LRP1B: variants seen among roughly 807,000 people sequenced by gnomAD.
LRP1B encodes the protein LDL receptor related protein 1B.
A neutral mutation model predicts 556.6 loss-of-function variants in LRP1B; 217 were observed. The observed-to-expected ratio is 0.39, with a 90% CI of 0.35 to 0.44. LRP1B has a LOEUF of 0.44. Among genes scored for constraint, LRP1B ranks in the 20% least tolerant of loss-of-function variants. The pLI, the probability that LRP1B is intolerant of heterozygous loss-of-function variation, is 1.00. For missense variants in LRP1B, 5,053 were observed against 5,620.8 expected (o/e 0.90, Z 3.23); for synonymous variants, 2,047 against 1,865.8 (o/e 1.10, Z -2.50).
At chr2:142,038,046 G>A (rs966935320) in intron 1 of LRP1B, among the ~76,000 whole-genome samples, 3 of 151,360 alleles carry the variant, frequency 2.0e-5, no homozygotes, top group African/African-American at 7.3e-5. Context: ...ACTAGATCCA[G>A]TTCTATTCTC....
intron 27 of LRP1B, 113 bp downstream of exon 27, chr2:140,867,477 C>A (rs540347679): frequency 3.4e-6 from 4 of 1,176,672 alleles, no homozygotes; most frequent in Admixed American, 5.3e-5. Flanking sequence ...ATAGAGTATG[C>A]GTAAAATGTC....
chr2:140,356,399 C>A lies in LRP1B; in HGVS notation c.11473G>T (p.Val3825Phe), dbSNP rs950128721. ...AATCCAGGCTTACAGCGACAGAAAA[C>A]AGATGTTTTTATTTGATTACAATAT... is the stretch of plus-strand genomic sequence containing the variant. Reference protein sequence around the residue: ...DAYCNQIKTSVFCRCKPGFQR... With the variant: ...DAYCNQIKTSFFCRCKPGFQR... The change falls in exon 75 of 91, where the codon GTT (valine) becomes TTT (phenylalanine). Residue 3825 changes from valine (V) to phenylalanine (F), a missense_variant. Physicochemically the swap from Val to Phe is conservative, Grantham distance 50. This residue lies in a region of LRP1B where 599 missense variants were observed against 648.4 expected (regional missense o/e 0.92). Coordinates refer to ENST00000389484, the MANE Select transcript of LRP1B (RefSeq NM_018557.3). 6.2e-7 allele frequency: 1 copy of A among 1,610,816 alleles called. No individual in the cohort carries two copies. Among genetic ancestry groups the A allele is most frequent in the Non-Finnish European group, 8.5e-7 (1 of 1,177,688 alleles).
intron 7 of LRP1B, among the ~76,000 whole-genome samples, chr2:141,130,285 A>C (rs984128455): frequency 7.2e-5 from 11 of 152,224 alleles, no homozygotes; most frequent in Admixed American, 7.2e-4. Context: ...AAAATAAAAT[A>C]GAAAAACAGG....
At chr2:141,897,086 C>A (rs754869111) in intron 1 of LRP1B, among the ~76,000 whole-genome samples, 1 of 152,144 alleles carries the variant, frequency 6.6e-6, no homozygotes, top group South Asian at 2.1e-4. Context: ...GTTCTGGAAT[C>A]AAATAATTAT....
At chr2:140,855,799 G>A (rs1328182064) in intron 27 of LRP1B, among the ~76,000 whole-genome samples, 3 of 152,078 alleles carry the variant, frequency 2.0e-5, no homozygotes, top group Non-Finnish European at 4.4e-5. Flanking sequence ...CTGCACTCCA[G>A]CCTGGCCCAC....
At chr2:141,315,868 A>G (rs1209550901) in intron 3 of LRP1B, among the ~76,000 whole-genome samples, 3 of 82,720 alleles carry the variant, frequency 3.6e-5, no homozygotes, top group African/African-American at 1.6e-4. Flanking sequence ...AAAATCCTCT[A>G]TCTTTAGTCT....
At chr2:142,060,185 T>G (rs754708173) in intron 1 of LRP1B, among the ~76,000 whole-genome samples, 2 of 152,080 alleles carry the variant, frequency 1.3e-5, no homozygotes, top group African/African-American at 2.4e-5. Flanking sequence ...ATGATGGTTT[T>G]GGATGCATAT....
At chr2:142,023,678 C>T (rs947324255) in intron 1 of LRP1B, among the ~76,000 whole-genome samples, 7 of 152,146 alleles carry the variant, frequency 4.6e-5, no homozygotes, top group Admixed American at 3.9e-4. Flanking sequence ...CACAAAATGC[C>T]TTGAGCCAAT....
At chr2:140,316,926 A>G (rs1398081936) in intron 82 of LRP1B, among the ~76,000 whole-genome samples, 1 of 152,068 alleles carries the variant, frequency 6.6e-6, no homozygotes, top group Non-Finnish European at 1.5e-5. Flanking sequence ...TCAACAGGCG[A>G]TTGATATGTT....
At chr2:140,311,520 G>A (rs1027336958) in intron 83 of LRP1B, among the ~76,000 whole-genome samples, 1 of 151,806 alleles carries the variant, frequency 6.6e-6, no homozygotes, top group Non-Finnish European at 1.5e-5. Flanking sequence ...TGGAGAAGTG[G>A]AAGGGTGGGA....
chr2:141,795,674 G>A (rs867999344), intron 2 of LRP1B, among the ~76,000 whole-genome samples: 10 of 151,320 alleles, frequency 6.6e-5, no homozygotes, highest in African/African-American at 1.5e-4. Flanking sequence ...TTCCAGTCAC[G>A]GTTCTGATGT....
intron 52 of LRP1B, among the ~76,000 whole-genome samples, chr2:140,509,495 G>T (rs1424879656): frequency 1.3e-5 from 2 of 152,070 alleles, no homozygotes; most frequent in Non-Finnish European, 2.9e-5. Flanking sequence ...GGACTAATAG[G>T]TGTTTACTGA....
chr2:141,026,602 C>T (rs2105407001), intron 11 of LRP1B, among the ~76,000 whole-genome samples: 1 of 152,166 alleles, frequency 6.6e-6, no homozygotes, highest in African/African-American at 2.4e-5. Context: ...TTCAGATCCA[C>T]ATAAATACGC....
At chr2:141,611,579 C>T (rs1318486219) in intron 2 of LRP1B, among the ~76,000 whole-genome samples, 1 of 152,126 alleles carries the variant, frequency 6.6e-6, no homozygotes, top group African/African-American at 2.4e-5. Flanking sequence ...AGAACAAGTG[C>T]TAAGAGTTGT....
chr2:141,180,718 A>C (rs1680951063), intron 7 of LRP1B, among the ~76,000 whole-genome samples: 1 of 152,002 alleles, frequency 6.6e-6, no homozygotes, highest in South Asian at 2.1e-4. Flanking sequence ...AACCCAAAAA[A>C]CAAAACAAAA....
At chr2:141,431,824 C>T (rs2104985399) in intron 3 of LRP1B, among the ~76,000 whole-genome samples, 1 of 152,248 alleles carries the variant, frequency 6.6e-6, no homozygotes, top group South Asian at 2.1e-4. Flanking sequence ...TTGGGTCCTA[C>T]AAGCTGTCTG....
chr2:140,650,728 T>C (rs1574193333), intron 41 of LRP1B, among the ~76,000 whole-genome samples: 1 of 152,152 alleles, frequency 6.6e-6, no homozygotes, highest in East Asian at 1.9e-4. Flanking sequence ...TAGTGAAGTG[T>C]CTCCCACTGA....
At chr2:140,904,876 C>T (rs1216646487) in intron 22 of LRP1B, among the ~76,000 whole-genome samples, 1 of 152,032 alleles carries the variant, frequency 6.6e-6, no homozygotes, top group Non-Finnish European at 1.5e-5. Flanking sequence ...ATGCTTTTAG[C>T]TTATTTCAAG....
chr2:141,210,821 A>C (rs1682508093), intron 6 of LRP1B, among the ~76,000 whole-genome samples: 1 of 152,194 alleles, frequency 6.6e-6, no homozygotes, highest in South Asian at 2.1e-4. Context: ...AAACAAACAC[A>C]AGCAGTAGAA....
Sources: allele counts gnomAD v4.1 joint callset (sites outside exome capture counted in the v4.1 genomes callset), GRCh38; gene constraint gnomAD v4.1.1; regional missense constraint gnomAD v4.1.1; transcripts MANE v1.5; gene names NCBI Gene and HGNC (gene_info 2026-07-23, HGNC 2026-07-21).